Variants in SCO1 observed in about 807,000 individuals in gnomAD.
SCO1 encodes the protein cytochrome c oxidase assembly factor SCO1.
SCO1 carries 23 observed loss-of-function variants against 34.0 expected under a neutral mutation model. That is an observed-to-expected ratio of 0.68 (90% CI 0.49 to 0.96). The LOEUF is 0.96. SCO1 is among the 40% of genes least tolerant of loss of function. The pLI, the probability that SCO1 is intolerant of heterozygous loss-of-function variation, is 0.00. For missense variants in SCO1, 404 were observed against 381.6 expected (o/e 1.06, Z -0.49); for synonymous variants, 161 against 145.5 (o/e 1.11, Z -0.77).
Position 10,696,071 on chromosome 17 carries a change from T to TAAAAAAAA in SCO1, c.274-248_274-241dup, listed in dbSNP as rs869243005. Among the ~76,000 whole-genome samples, 117 of 72,978 alleles carry TAAAAAAAA rather than the reference T, an allele frequency of 1.6e-3. 12 individuals carry two copies. Among genetic ancestry groups the TAAAAAAAA allele is most frequent in the East Asian group, 2.5e-3 (5 of 2,002 alleles). The allele number at this position is 72,978 out of a possible 152,430, so 47.9% of individuals were successfully genotyped here. ...CCTAAGTCAGTTCTCTTCATGTAAA[T>TAAAAAAAA]AAAAAAAAAAAAAAAAAAAAAAAAA... On this transcript the variant is annotated intron_variant, in intron 1 of 5. Coordinates refer to ENST00000255390, the MANE Select transcript of SCO1 (RefSeq NM_004589.4).
Position 10,678,529 on chromosome 17 carries a change from C to A in SCO1, c.*2590G>T, listed in dbSNP as rs1257290087. 6.6e-6 allele frequency: 1 copy of A among 152,188 alleles called. No homozygotes were observed. The highest frequency in any genetic ancestry group is 1.5e-5 in the Non-Finnish European group (1 of 68,030). The allele number at this position is 152,188 out of a possible 1,614,324, so 9.4% of individuals were successfully genotyped here. A position where few individuals can be genotyped will look rare whatever the true frequency, so the allele number is the denominator to read the frequency against. ...AGACTGAATCTTATCTAAGAGCAAACTTGCTGCAAAGGGATCCACACAAAT... is the reference window on the plus strand; with the variant it reads ...AGACTGAATCTTATCTAAGAGCAAAATTGCTGCAAAGGGATCCACACAAAT... On this transcript the variant is annotated 3_prime_UTR_variant, in exon 6 of 6. Transcript: ENST00000255390.
In SCO1 at chr17:10,679,636, C is replaced by CA. The variant is rs1458754625; in HGVS notation, c.*1482dup. 3.9e-5 allele frequency: 6 copies of CA among 152,154 alleles called. No individual in the cohort carries two copies. Among genetic ancestry groups the CA allele is most frequent in the African/African-American group, 1.4e-4 (6 of 41,420 alleles). 9.4% of individuals were successfully genotyped at this position (152,154 alleles called of 1,614,324 possible). ...GCAGCAGCTTCTGGCAGAAAAAGGC[C>CA]AAACCCAGGATTCTAGGGCAGTTAA... On this transcript the variant is annotated 3_prime_UTR_variant, in exon 6 of 6. Transcript: ENST00000255390.
At chr17:10,689,777 A>C (rs1244807138) in intron 4 of SCO1, among the ~76,000 whole-genome samples, 2 of 152,190 alleles carry the variant, frequency 1.3e-5, no homozygotes, top group African/African-American at 4.8e-5. Flanking sequence ...AAAAAGAACA[A>C]AGCTGGTAGG....
rs771930308 is a variant in SCO1 at position 10,677,558 on chromosome 17, C to G, written c.*3561G>C. 2.0e-5 allele frequency: 3 copies of G among 152,246 alleles called. No individual in the cohort carries two copies. The East Asian group carries it at 5.8e-4, about 29-fold the overall frequency. 9.4% of individuals were successfully genotyped at this position (152,246 alleles called of 1,614,324 possible). A position where few individuals can be genotyped will look rare whatever the true frequency, so the allele number is the denominator to read the frequency against. ...AAAAGCTATTTTAAAGGATCTTATG[C>G]AGACGCATTTACAATTTAAAATCAT... On this transcript the variant is annotated 3_prime_UTR_variant, in exon 6 of 6. Coordinates refer to ENST00000255390, the MANE Select transcript of SCO1 (RefSeq NM_004589.4).
Position 10,695,777 on chromosome 17 carries a change from C to T in SCO1, c.328G>A (p.Ala110Thr). ...TCTTTCTTGACGTGCTTCATTCCAG[C>T]CAGTAAAGCTCCTCCAATAGCAAAT... ...ITFAIGGALL[A>T]GMKHVKKEKA... The change falls in exon 2 of 6, where the codon GCT becomes ACT. Residue 110 changes from alanine (A) to threonine (T), a missense_variant. Coordinates refer to ENST00000255390, the MANE Select transcript of SCO1 (RefSeq NM_004589.4). 6.2e-7 allele frequency: 1 copy of T among 1,613,580 alleles called. No individual in the cohort carries two copies. The highest frequency in any genetic ancestry group is 2.2e-5 in the East Asian group (1 of 44,852).
intron 5 of SCO1, among the ~76,000 whole-genome samples, chr17:10,683,282 C>T (rs1182128623): frequency 6.6e-6 from 1 of 152,036 alleles, no homozygotes; most frequent in Non-Finnish European, 1.5e-5. Flanking sequence ...TCTCATTTAA[C>T]AATATATTGG....
intron 5 of SCO1, among the ~76,000 whole-genome samples, chr17:10,682,414 A>G (rs577295255): frequency 6.6e-6 from 1 of 152,326 alleles, no homozygotes; most frequent in African/African-American, 2.4e-5. Context: ...AGTTCACCGC[A>G]GGAGCAAGAC....
At position 10,678,502 on chromosome 17, in the gene SCO1, G is replaced by A. The variant is rs558366619; in HGVS notation, c.*2617C>T. 2 of 152,300 alleles carry A rather than the reference G, an allele frequency of 1.3e-5. No homozygotes were observed. The highest frequency in any genetic ancestry group is 4.8e-5 in the African/African-American group (2 of 41,556). 9.4% of individuals were successfully genotyped at this position (152,300 alleles called of 1,614,324 possible). The stretch of plus-strand genomic sequence containing the variant: ...GCCTTAACCTGCAACAGCTGAGAAC[G>A]AAGACTGAATCTTATCTAAGAGCAA... On this transcript the variant is annotated 3_prime_UTR_variant, in exon 6 of 6. Coordinates refer to ENST00000255390, the MANE Select transcript of SCO1 (RefSeq NM_004589.4).
intron 2 of SCO1, 72 bp downstream of exon 2, chr17:10,695,669 A>G: frequency 8.7e-7 from 1 of 1,153,000 alleles, no homozygotes; most frequent in Non-Finnish European, 1.3e-6. Context: ...AAGCTAAAAA[A>G]CAACAAAAAA....
chr17:10,697,026 A>G (rs558139751), intron 1 of SCO1, among the ~76,000 whole-genome samples: 11 of 151,900 alleles, frequency 7.2e-5, no homozygotes, highest in African/African-American at 2.7e-4. Context: ...GAGAGGGTGT[A>G]AAGTCTCAAG....
chr17:10,686,628 G>T, intron 5 of SCO1, 99 bp downstream of exon 5: 1 of 820,382 alleles, frequency 1.2e-6, no homozygotes, highest in Non-Finnish European at 2.2e-6. Flanking sequence ...ATAATCTTAG[G>T]TATTCTCTCT....
intron 5 of SCO1, among the ~76,000 whole-genome samples, chr17:10,684,874 C>T (rs562881171): frequency 1.3e-5 from 2 of 152,350 alleles, no homozygotes; most frequent in East Asian, 1.9e-4. Flanking sequence ...GCTAGAGAAG[C>T]AGCAAGAGGA....
intron 5 of SCO1, among the ~76,000 whole-genome samples, chr17:10,685,501 C>A (rs1462856088): frequency 6.6e-6 from 1 of 152,164 alleles, no homozygotes; most frequent in African/African-American, 2.4e-5. Context: ...GACCTTAAGG[C>A]TTCTGGGGCA....
Position 10,697,347 on chromosome 17 carries a change from G to C in SCO1, c.161C>G (p.Ala54Gly), listed in dbSNP as rs1388745773. Residue 54 changes from alanine (A) to glycine (G), a missense_variant, in exon 1 of 6, where the codon GCC (alanine) becomes GGC (glycine). Physicochemically the swap from Ala to Gly is moderately conservative, Grantham distance 60. Coordinates refer to ENST00000255390, the MANE Select transcript of SCO1 (RefSeq NM_004589.4). ...FCARQAEAWR[A>G]SGRPGYCLGT... ...CAGGCAATAGCCAGGGCGCCCCGAG[G>C]CACGCCACGCCTCCGCTTGCCGCGC... 1 of 1,580,084 alleles carries C rather than the reference G, an allele frequency of 6.3e-7. No individual in the cohort carries two copies. Among genetic ancestry groups the C allele is most frequent in the Non-Finnish European group, 8.6e-7 (1 of 1,163,674 alleles).
intron 2 of SCO1, among the ~76,000 whole-genome samples, chr17:10,695,259 C>T (rs1325188299): frequency 6.6e-6 from 1 of 152,156 alleles, no homozygotes; most frequent in East Asian, 1.9e-4. Context: ...GGTAAGCTTC[C>T]TTCTGGCCTG....
At chr17:10,683,378 G>A (rs1372929119) in intron 5 of SCO1, among the ~76,000 whole-genome samples, 1 of 151,868 alleles carries the variant, frequency 6.6e-6, no homozygotes, top group Non-Finnish European at 1.5e-5. Context: ...AATGCCATAG[G>A]GTATATTTAT....
intron 5 of SCO1, among the ~76,000 whole-genome samples, chr17:10,685,502 T>A (rs2074650244): frequency 6.6e-6 from 1 of 152,198 alleles, no homozygotes; most frequent in Non-Finnish European, 1.5e-5. Flanking sequence ...ACCTTAAGGC[T>A]TCTGGGGCAG....
chr17:10,677,291 G>C lies in SCO1; in HGVS notation c.*3828C>G, dbSNP rs550390839. ...CATTATTGCATTCCAGCCTGCGTGA[G>C]AAGAGCGAGACTCCATCTCAAAAAG... On this transcript the variant is annotated 3_prime_UTR_variant, in exon 6 of 6. Transcript: ENST00000255390. 2 of 152,046 alleles carry C rather than the reference G, an allele frequency of 1.3e-5. No homozygotes were observed. Among genetic ancestry groups the C allele is most frequent in the African/African-American group, 4.8e-5 (2 of 41,374 alleles). The allele number at this position is 152,046 out of a possible 1,614,324, so 9.4% of individuals were successfully genotyped here.
Position 10,692,852 on chromosome 17 carries a change from C to T in SCO1, c.474G>A (p.Gln158=). The part of the protein sequence containing the change: ...ERKTDKDYLG[Q]WLLIYFGFTH... ...TGAAGCCAAAATAAATCAATAACCA[C>T]TGACCCAAGTAGTCCTTGTCAGTTT... Residue 158 remains glutamine (Q), a synonymous_variant, in exon 3 of 6, where the codon CAG becomes CAA. Coordinates refer to ENST00000255390, the MANE Select transcript of SCO1 (RefSeq NM_004589.4). The T allele has an allele frequency of 1.2e-6, 2 of 1,614,214 alleles. No individual in the cohort carries two copies. The highest frequency in any genetic ancestry group is 8.5e-7 in the Non-Finnish European group (1 of 1,180,004).
Sources: gnomAD v4.1 joint callset for allele counts (sites outside exome capture counted in the v4.1 genomes callset) on GRCh38, gnomAD v4.1.1 for gene constraint, MANE v1.5 for transcripts, NCBI Gene and HGNC (gene_info 2026-07-23, HGNC 2026-07-21) for gene names.